PIK3C2G: variants seen among roughly 807,000 people sequenced by gnomAD.
PIK3C2G encodes phosphatidylinositol 3-kinase C2 domain-containing subunit gamma.
A neutral mutation model predicts 181.1 loss-of-function variants in PIK3C2G; 168 were observed. The ratio of observed to expected loss-of-function variants is 0.93; its 90% confidence interval spans 0.82 to 1.05. The LOEUF (loss-of-function observed/expected upper bound fraction) is 1.05. Ranked by LOEUF, PIK3C2G falls within the 50% of genes least tolerant of loss-of-function variation. The pLI is 0.00. For missense variants in PIK3C2G, 1,869 were observed against 1,732.8 expected (o/e 1.08, Z -1.40); for synonymous variants, 573 against 592.2 (o/e 0.97, Z 0.47).
chr12:18,683,920 T>A, the PIK3C2G span, among the ~76,000 whole-genome samples: 5 of 152,022 alleles, frequency 3.3e-5, no homozygotes, highest in East Asian at 5.8e-4. Context: ...TTTGTCTAAT[T>A]AGCCTTCCTG....
At chr12:18,677,578 A>C in the PIK3C2G span, among the ~76,000 whole-genome samples, 1 of 152,070 alleles carries the variant, frequency 6.6e-6, no homozygotes, top group Non-Finnish European at 1.5e-5. Context: ...GACCTAATGC[A>C]GTGCTTTAAG....
intron 12 of PIK3C2G, among the ~76,000 whole-genome samples, chr12:18,364,738 A>T (rs1246915824): frequency 1.3e-5 from 2 of 152,100 alleles, no homozygotes; most frequent in Non-Finnish European, 2.9e-5. Context: ...TCTCTACTAA[A>T]AATATAAAAA....
chr12:18,718,674 T>C, the PIK3C2G span, among the ~76,000 whole-genome samples: 2 of 152,190 alleles, frequency 1.3e-5, no homozygotes, highest in Non-Finnish European at 1.5e-5. Flanking sequence ...CTGACAACTT[T>C]ACCCTAAGTA....
intron 18 of PIK3C2G, among the ~76,000 whole-genome samples, chr12:18,469,916 T>A (rs80311752): frequency 1.8e-4 from 1 of 5,642 alleles, no homozygotes; most frequent in Non-Finnish European, 8.2e-4. Context: ...CCTGCTACTC[T>A]TTTTTTTTTT....
intron 13 of PIK3C2G, among the ~76,000 whole-genome samples, chr12:18,372,118 T>TA (rs1465250689): frequency 6.6e-6 from 1 of 152,148 alleles, no homozygotes; most frequent in Admixed American, 6.5e-5. Context: ...CTAATCAATA[T>TA]AAAAAATTAT....
intron 30 of PIK3C2G, among the ~76,000 whole-genome samples, chr12:18,601,164 A>G (rs146445723): frequency 6.6e-6 from 1 of 152,132 alleles, no homozygotes; most frequent in African/African-American, 2.4e-5. Flanking sequence ...ATAATATATA[A>G]TACATATTAT....
At chr12:18,331,674 A>C (rs1487146291) in intron 8 of PIK3C2G, among the ~76,000 whole-genome samples, 1 of 152,052 alleles carries the variant, frequency 6.6e-6, no homozygotes, top group African/African-American at 2.4e-5. Context: ...ATAATTTAAC[A>C]CTTACTGAGT....
At chr12:18,647,815 C>CA (rs961998678) in intron 32 of PIK3C2G, 61 bp from the exon 33 acceptor site, 21 of 1,013,932 alleles carry the variant, frequency 2.1e-5, no homozygotes, top group Admixed American at 7.2e-5. Context: ...AAGCAATACT[C>CA]AAAAAAGAGA....
chr12:18,460,623 CAT>C (rs144060852), intron 18 of PIK3C2G, among the ~76,000 whole-genome samples: 1,827 of 135,822 alleles, frequency 0.013, 24 homozygotes, highest in South Asian at 0.051. Flanking sequence ...ACATCATATT[CAT>C]ATATATATAT....
intron 1 of PIK3C2G, among the ~76,000 whole-genome samples, chr12:18,273,129 T>C (rs1054570376): frequency 6.6e-6 from 1 of 152,014 alleles, no homozygotes; most frequent in African/African-American, 2.4e-5. Flanking sequence ...CACAAAATAT[T>C]ATGAGGATGA....
At chr12:18,680,511 A>G in the PIK3C2G span, among the ~76,000 whole-genome samples, 1 of 152,048 alleles carries the variant, frequency 6.6e-6, no homozygotes, top group African/African-American at 2.4e-5. Flanking sequence ...TTTCCCAGAC[A>G]AAAGTCCAGA....
At chr12:18,477,769 T>C (rs1375127843) in intron 18 of PIK3C2G, among the ~76,000 whole-genome samples, 1 of 152,128 alleles carries the variant, frequency 6.6e-6, no homozygotes, top group Non-Finnish European at 1.5e-5. Flanking sequence ...CTCTGAAGAA[T>C]GAAGGGAGAA....
chr12:18,512,783 A>G (rs12309414), intron 24 of PIK3C2G, among the ~76,000 whole-genome samples: 3,136 of 151,886 alleles, frequency 0.021, 112 homozygotes, highest in African/African-American at 0.072. Flanking sequence ...GATGCCTTCA[A>G]TTTTCTTTTT....
chr12:18,706,753 G>T, the PIK3C2G span, among the ~76,000 whole-genome samples: 1 of 152,224 alleles, frequency 6.6e-6, no homozygotes, highest in African/African-American at 2.4e-5. Context: ...TCAGAACAGG[G>T]TCGATTATTA....
chr12:18,407,059 A>G (rs1481202385), intron 16 of PIK3C2G, among the ~76,000 whole-genome samples: 1 of 152,044 alleles, frequency 6.6e-6, no homozygotes, highest in Admixed American at 6.6e-5. Flanking sequence ...GTAATATTAT[A>G]TACCTCCTAG....
intron 18 of PIK3C2G, among the ~76,000 whole-genome samples, chr12:18,470,601 C>G (rs1331336127): frequency 6.6e-6 from 1 of 152,088 alleles, no homozygotes; most frequent in Non-Finnish European, 1.5e-5. Flanking sequence ...CCTATTTGAC[C>G]TATTGACTGT....
chr12:18,482,549 G>C (rs901788128), intron 18 of PIK3C2G, among the ~76,000 whole-genome samples: 1 of 152,100 alleles, frequency 6.6e-6, no homozygotes, highest in Non-Finnish European at 1.5e-5. Context: ...TAAACCTTGA[G>C]TAACATCCAC....
intron 18 of PIK3C2G, among the ~76,000 whole-genome samples, chr12:18,476,063 C>A (rs1036460307): frequency 6.6e-6 from 1 of 151,986 alleles, no homozygotes; most frequent in Non-Finnish European, 1.5e-5. Context: ...TTTAAAAAAA[C>A]TAAAACACGA....
intron 8 of PIK3C2G, among the ~76,000 whole-genome samples, chr12:18,335,173 C>T (rs1303361886): frequency 6.6e-6 from 1 of 152,196 alleles, no homozygotes; most frequent in Admixed American, 6.5e-5. Context: ...TGGCTGCTAT[C>T]CAATGTCTGA....
Sources: gnomAD v4.1 joint callset for allele counts (sites outside exome capture counted in the v4.1 genomes callset) on GRCh38, gnomAD v4.1.1 for gene constraint, MANE v1.5 for transcripts, NCBI Gene and HGNC (gene_info 2026-07-23, HGNC 2026-07-21) for gene names.